The following EPB41L4B variants were observed in gnomAD, a reference collection of about 807,000 sequenced individuals.
The protein encoded by EPB41L4B is band 4.1-like protein 4B.
Under a neutral mutation model 112.5 loss-of-function variants are expected in EPB41L4B, and 30 were observed. The ratio of observed to expected loss-of-function variants is 0.27; its 90% CI spans 0.20 to 0.36. EPB41L4B has a LOEUF of 0.36. Among genes scored for constraint, EPB41L4B ranks in the 10% least tolerant of loss-of-function variants. EPB41L4B has a pLI of 1.00. For synonymous variants in EPB41L4B, 408 were observed against 439.7 expected (o/e 0.93, Z 0.90); for missense variants, 1,024 against 1,133.3 (o/e 0.90, Z 1.38).
chr9:109,299,903 G>A (rs528522537), intron 1 of EPB41L4B, among the ~76,000 whole-genome samples: 60 of 152,246 alleles, frequency 3.9e-4, no homozygotes, highest in Non-Finnish European at 5.3e-4. Flanking sequence ...CCCCATCCCC[G>A]CACTCACAGC....
At chr9:109,298,694 A>C (rs1444669383) in intron 1 of EPB41L4B, among the ~76,000 whole-genome samples, 1 of 152,216 alleles carries the variant, frequency 6.6e-6, no homozygotes. Flanking sequence ...ACTTTAGAAG[A>C]CACAAATAGG....
At chr9:109,216,830 C>A in intron 16 of EPB41L4B, 92 bp downstream of exon 16, 1 of 1,292,346 alleles carries the variant, frequency 7.7e-7, no homozygotes, top group Non-Finnish European at 1.1e-6. Flanking sequence ...GTGTGCTGCA[C>A]CGCAAGGGTC....
intron 22 of EPB41L4B, among the ~76,000 whole-genome samples, chr9:109,186,882 G>A (rs562400606): frequency 1.3e-5 from 2 of 152,306 alleles, no homozygotes; most frequent in South Asian, 2.1e-4. Context: ...GGGCCCAGCC[G>A]TGGCATCTCG....
chr9:109,292,910 G>A (rs949805747), intron 1 of EPB41L4B, among the ~76,000 whole-genome samples: 6 of 152,304 alleles, frequency 3.9e-5, no homozygotes, highest in Non-Finnish European at 7.4e-5. Context: ...AGACTGCCAC[G>A]TTTAAGAGGC....
chr9:109,252,273 C>T (rs1834817387), intron 12 of EPB41L4B, among the ~76,000 whole-genome samples: 1 of 152,208 alleles, frequency 6.6e-6, no homozygotes, highest in Non-Finnish European at 1.5e-5. Flanking sequence ...GTTCCTTACA[C>T]TGAGCTATTT....
chr9:109,288,095 G>T (rs1353717640), intron 1 of EPB41L4B, among the ~76,000 whole-genome samples: 2 of 152,238 alleles, frequency 1.3e-5, no homozygotes, highest in African/African-American at 4.8e-5. Flanking sequence ...TAAGAAGTGG[G>T]GCCTTCAGGC....
At chr9:109,224,363 G>C (rs1237638817) in intron 15 of EPB41L4B, among the ~76,000 whole-genome samples, 1 of 152,096 alleles carries the variant, frequency 6.6e-6, no homozygotes, top group Non-Finnish European at 1.5e-5. Context: ...AGCCACAAAA[G>C]GGAATGAAAT....
At chr9:109,206,630 A>T (rs12340670) in intron 18 of EPB41L4B, among the ~76,000 whole-genome samples, 8,803 of 152,322 alleles carry the variant, frequency 0.058, 405 homozygotes, top group Admixed American at 0.13. Flanking sequence ...ACCATGTAGA[A>T]AGTGATTCTG....
chr9:109,217,945 T>A (rs1263375510), intron 15 of EPB41L4B, among the ~76,000 whole-genome samples: 5 of 151,710 alleles, frequency 3.3e-5, no homozygotes, highest in Admixed American at 2.6e-4. Flanking sequence ...ATTGCCCCAT[T>A]TGAAGGCCGT....
At chr9:109,319,482 C>G (rs1324153084) in intron 1 of EPB41L4B, among the ~76,000 whole-genome samples, 2 of 152,226 alleles carry the variant, frequency 1.3e-5, no homozygotes, top group Admixed American at 6.5e-5. Context: ...AGACAGCCGA[C>G]TCTAGAGTTA....
At chr9:109,213,865 G>A in intron 16 of EPB41L4B, 47 bp from the exon 17 acceptor site, 1 of 1,550,074 alleles carries the variant, frequency 6.5e-7, no homozygotes, top group Non-Finnish European at 8.9e-7. Context: ...TGAAAGGACA[G>A]ATAGATACAG....
At chr9:109,298,107 G>A (rs560993674) in intron 1 of EPB41L4B, among the ~76,000 whole-genome samples, 5 of 152,096 alleles carry the variant, frequency 3.3e-5, no homozygotes, top group African/African-American at 1.2e-4. Context: ...AGAATGACAC[G>A]TTCAGCTGGA....
At chr9:109,201,529 C>A (rs1832832686) in intron 19 of EPB41L4B, among the ~76,000 whole-genome samples, 1 of 151,570 alleles carries the variant, frequency 6.6e-6, no homozygotes, top group South Asian at 2.1e-4. Flanking sequence ...TCAATGCATT[C>A]TATACTCATG....
chr9:109,298,846 A>C (rs1288340471), intron 1 of EPB41L4B, among the ~76,000 whole-genome samples: 3 of 152,184 alleles, frequency 2.0e-5, no homozygotes, highest in African/African-American at 7.2e-5. Context: ...CAGGGCTCCA[A>C]TGTCCCAGGT....
In EPB41L4B at chr9:109,243,596, C is replaced by T. The variant is rs1202651320; in HGVS notation, c.1409+22G>A. The T allele has an allele frequency of 3.1e-6, 5 of 1,612,952 alleles. No individual in the cohort carries two copies. In the Admixed American group the frequency reaches 6.7e-5, roughly 22 times the overall value. ...GAAAGGAAAGCTTTCGAAGGTGCAG[C>T]TCTGGAAGCACCAGCACTTACCTGA... On this transcript the variant is annotated intron_variant, in intron 15 of 25. Coordinates refer to ENST00000374566, the MANE Select transcript of EPB41L4B (RefSeq NM_019114.5).
intron 1 of EPB41L4B, among the ~76,000 whole-genome samples, chr9:109,316,070 C>G (rs1837623135): frequency 6.6e-6 from 1 of 152,188 alleles, no homozygotes; most frequent in Admixed American, 6.5e-5. Flanking sequence ...TTCCCGTCAC[C>G]AAATCCTCCC....
intron 11 of EPB41L4B, 126 bp downstream of exon 11, chr9:109,255,385 C>T (rs1405537150): frequency 4.6e-6 from 5 of 1,092,852 alleles, no homozygotes; most frequent in South Asian, 3.2e-5. Flanking sequence ...CCTTAAGAAA[C>T]GTGGGGATGG....
chr9:109,194,358 C>G lies in EPB41L4B; in HGVS notation c.2085G>C (p.Val695=). The G allele has an allele frequency of 6.2e-7, 1 of 1,614,178 alleles. No homozygotes were observed. Among genetic ancestry groups the G allele is most frequent in the South Asian group, 1.1e-5 (1 of 91,084 alleles). The change falls in exon 21 of 26, where the codon GTG becomes GTC. Residue 695 remains valine, a synonymous_variant. Transcript: ENST00000374566. Reference sequence around the variant, plus strand: ...TTGTGGTTGTAGATGTGGTCACTCCCACTGCCTCGGCCAGGTCTGGAGGGA... The same window carrying G: ...TTGTGGTTGTAGATGTGGTCACTCCGACTGCCTCGGCCAGGTCTGGAGGGA... ...DDLPPDLAEA[V]GVTTSTTTNT... is the part of the protein sequence containing the mutation.
chr9:109,263,780 G>GC (rs1034465996), intron 5 of EPB41L4B, among the ~76,000 whole-genome samples: 5 of 151,914 alleles, frequency 3.3e-5, no homozygotes, highest in African/African-American at 4.8e-5. Flanking sequence ...TTGCCAGTGA[G>GC]CCCCCCCGAC....
Sources: allele counts gnomAD v4.1 joint callset (sites outside exome capture counted in the v4.1 genomes callset), GRCh38; gene constraint gnomAD v4.1.1; transcripts MANE v1.5; gene names NCBI Gene and HGNC (gene_info 2026-07-23, HGNC 2026-07-21).